Variants in TLN2 observed in about 807,000 individuals in gnomAD.
TLN2 encodes talin 2.
In TLN2, 118 loss-of-function variants were observed where a neutral mutation model predicts 294.7. The observed-to-expected ratio is 0.40, with a 90% CI of 0.34 to 0.47. The LOEUF is 0.47. Ranked by LOEUF, TLN2 falls within the 20% of genes least tolerant of loss-of-function variation. The pLI, the probability that TLN2 is intolerant of heterozygous loss-of-function variation, is 0.84. For missense variants in TLN2, 3,083 were observed against 3,282.2 expected (o/e 0.94, Z 1.48); for synonymous variants, 1,431 against 1,304.5 (o/e 1.10, Z -2.09).
Position 62,837,947 on chromosome 15 carries a change from A to C in TLN2, c.7375-909A>C, listed in dbSNP as rs74841603. 1.1e-4 allele frequency among the ~76,000 whole-genome samples: 17 copies of C among 152,354 alleles called. 1 individual carries two copies. The South Asian group carries it at 1.9e-3, about 17-fold the overall frequency. On this transcript the variant is annotated intron_variant, in intron 57 of 58. Transcript: ENST00000636159. ...TTCGACTCTGAGGGGGCGCTGGACA[A>C]GAAATAAGAGAGGTTTAATGAAGCC...
At chr15:62,474,019 C>T (rs767969021) in intron 1 of TLN2, among the ~76,000 whole-genome samples, 25 of 152,038 alleles carry the variant, frequency 1.6e-4, no homozygotes, top group Non-Finnish European at 2.9e-4. Context: ...GCTTGAACCC[C>T]GGAGGCGGAA....
intron 46 of TLN2, 50 bp from the exon 47 acceptor site, chr15:62,796,077 C>G (rs1177776917): frequency 6.3e-7 from 1 of 1,595,228 alleles, no homozygotes; most frequent in Admixed American, 1.8e-5. Flanking sequence ...GCTTTTAGGT[C>G]CTGTTCTCTC....
chr15:62,652,558 A>G (rs2052712161), intron 6 of TLN2, among the ~76,000 whole-genome samples: 1 of 152,174 alleles, frequency 6.6e-6, no homozygotes, highest in South Asian at 2.1e-4. Context: ...TTTCTAATGA[A>G]GCCCTTCAAA....
At chr15:62,433,897 G>A (rs1317147096) in intron 1 of TLN2, among the ~76,000 whole-genome samples, 1 of 151,960 alleles carries the variant, frequency 6.6e-6, no homozygotes, top group Non-Finnish European at 1.5e-5. Flanking sequence ...GCTGAGGCAG[G>A]AGAATCACTT....
chr15:62,463,777 C>T (rs960328420), intron 1 of TLN2, among the ~76,000 whole-genome samples: 3 of 152,240 alleles, frequency 2.0e-5, no homozygotes, highest in African/African-American at 7.2e-5. Flanking sequence ...GTCCCAGCTA[C>T]TCGGGAGGCT....
chr15:62,602,175 A>G (rs958122597), intron 2 of TLN2, among the ~76,000 whole-genome samples: 2 of 151,948 alleles, frequency 1.3e-5, no homozygotes, highest in Non-Finnish European at 2.9e-5. Flanking sequence ...TTATTAGTTC[A>G]TACTGATACT....
intron 53 of TLN2, among the ~76,000 whole-genome samples, chr15:62,820,126 C>A (rs1171725792): frequency 6.6e-6 from 1 of 152,160 alleles, no homozygotes; most frequent in African/African-American, 2.4e-5. Flanking sequence ...TGGCAAATTC[C>A]TGTGTGATGT....
intron 48 of TLN2, among the ~76,000 whole-genome samples, chr15:62,799,639 A>G (rs1422451948): frequency 6.6e-6 from 1 of 152,238 alleles, no homozygotes; most frequent in Non-Finnish European, 1.5e-5. Context: ...AGCCTCCTGG[A>G]GCTTGCACTC....
intron 45 of TLN2, among the ~76,000 whole-genome samples, chr15:62,786,521 A>T (rs1377520348): frequency 1.3e-5 from 2 of 152,242 alleles, no homozygotes; most frequent in Non-Finnish European, 2.9e-5. Flanking sequence ...AAAAAAGAAG[A>T]AGAAAGAACT....
rs1465179481 is a variant in TLN2, at chr15:62,397,572, A to G, written c.-238+6887A>G. ...AGCCACCACACCCTGCTCTACATTG[A>G]AAAAAGTACATACTGTGTGACTCTC... On this transcript the variant is annotated intron_variant, in intron 1 of 58. Transcript: ENST00000636159. Among the ~76,000 whole-genome samples, 3 of 152,128 alleles carry G rather than the reference A, an allele frequency of 2.0e-5. No individual in the cohort carries two copies. In the East Asian group the frequency reaches 5.8e-4, roughly 29 times the overall value.
intron 42 of TLN2, 22 bp downstream of exon 42, chr15:62,771,156 A>G: frequency 1.9e-6 from 3 of 1,590,132 alleles, no homozygotes; most frequent in Non-Finnish European, 2.6e-6. Flanking sequence ...GATATCGGGG[A>G]CTCACTTAGG....
intron 31 of TLN2, among the ~76,000 whole-genome samples, chr15:62,740,014 G>T (rs2061234518): frequency 6.6e-6 from 1 of 151,170 alleles, no homozygotes; most frequent in Non-Finnish European, 1.5e-5. Context: ...GAGCTTGACT[G>T]ATCTGGTGTC....
chr15:62,539,070 A>G (rs2041524576), intron 1 of TLN2, among the ~76,000 whole-genome samples: 1 of 152,220 alleles, frequency 6.6e-6, no homozygotes. Context: ...GGCCAACCAC[A>G]GCAAAAACCA....
intron 4 of TLN2, among the ~76,000 whole-genome samples, chr15:62,649,484 C>A (rs1407019044): frequency 6.6e-6 from 1 of 152,146 alleles, no homozygotes; most frequent in Non-Finnish European, 1.5e-5. Flanking sequence ...CCCCTTCGTA[C>A]TTCCTATGTC....
At chr15:62,638,512 G>C (rs916237363) in intron 3 of TLN2, 2 of 455,942 alleles carry the variant, frequency 4.4e-6, no homozygotes, top group African/African-American at 4.0e-5. Context: ...TGAACCGTGT[G>C]CATACCCTCT....
intron 9 of TLN2, among the ~76,000 whole-genome samples, chr15:62,667,411 T>G (rs1435925964): frequency 2.0e-5 from 3 of 152,174 alleles, no homozygotes; most frequent in Non-Finnish European, 4.4e-5. Context: ...ATCCTGGGTG[T>G]TCCAGCATCC....
intron 1 of TLN2, among the ~76,000 whole-genome samples, chr15:62,392,202 G>A (rs1228673118): frequency 1.3e-5 from 2 of 152,222 alleles, no homozygotes; most frequent in Non-Finnish European, 2.9e-5. Flanking sequence ...GACGCGTGGG[G>A]AAACTTGGAT....
At position 62,840,846 on chromosome 15, in the gene TLN2, C is replaced by T. The variant is rs557465762; in HGVS notation, c.*236C>T. On this transcript the variant is annotated 3_prime_UTR_variant, in exon 59 of 59. Transcript: ENST00000636159. ...TCTGCCGCCTCCCCTCATGCCTCAC[C>T]GTGTCTCAGGAGAGAGGGGTGCACG... 164 of 503,290 alleles carry T rather than the reference C, an allele frequency of 3.3e-4. 1 individual carries two copies. Among genetic ancestry groups the T allele is most frequent in the African/African-American group, 2.1e-3 (107 of 52,066 alleles). 31.2% of individuals were successfully genotyped at this position (503,290 alleles called of 1,614,324 possible).
chr15:62,470,855 A>G (rs1461416465), intron 1 of TLN2, among the ~76,000 whole-genome samples: 1 of 152,250 alleles, frequency 6.6e-6, no homozygotes, highest in Non-Finnish European at 1.5e-5. Context: ...CAAAAAGGCT[A>G]TCGAGGCAAT....
Sources: gnomAD v4.1 joint callset for allele counts (sites outside exome capture counted in the v4.1 genomes callset) on GRCh38, gnomAD v4.1.1 for gene constraint, MANE v1.5 for transcripts, NCBI Gene and HGNC (gene_info 2026-07-23, HGNC 2026-07-21) for gene names.